The following OR2L13 variants were observed in gnomAD, a reference collection of about 807,000 sequenced individuals.
The protein encoded by OR2L13 is olfactory receptor family 2 subfamily L member 13.
A neutral mutation model predicts 15.3 loss-of-function variants in OR2L13; 14 were observed. The ratio of observed to expected loss-of-function variants is 0.91; its 90% CI spans 0.60 to 1.43. The LOEUF (loss-of-function observed/expected upper bound fraction) is 1.43, where lower values mean the gene tolerates loss of function less well. Ranked by LOEUF, OR2L13 falls within the 40% of genes most tolerant of loss-of-function variation. OR2L13 has a pLI of 0.00. For synonymous variants in OR2L13, 152 were observed against 142.9 expected (o/e 1.06, Z -0.45); for missense variants, 367 against 387.9 (o/e 0.95, Z 0.45).
chr1:247,963,033 A>T, the OR2L13 span, among the ~76,000 whole-genome samples: 1 of 152,296 alleles, frequency 6.6e-6, no homozygotes, highest in South Asian at 2.1e-4. Flanking sequence ...CCGGGATGCC[A>T]TGTGGGTTCT....
chr1:248,022,073 A>G, the OR2L13 span: 2 of 1,613,872 alleles, frequency 1.2e-6, no homozygotes, highest in Non-Finnish European at 1.7e-6. Context: ...TTGGAAACCT[A>G]TCCATGATTC....
chr1:248,001,531 TAAAA>T, the OR2L13 span, among the ~76,000 whole-genome samples: 3 of 151,274 alleles, frequency 2.0e-5, no homozygotes, highest in Admixed American at 2.0e-4. Context: ...TTTCTGTAAA[TAAAA>T]AAATAAAATA....
At chr1:248,054,650 C>G in the OR2L13 span, among the ~76,000 whole-genome samples, 1 of 152,090 alleles carries the variant, frequency 6.6e-6, no homozygotes, top group Non-Finnish European at 1.5e-5. Context: ...TTGAATAGGT[C>G]CTTCACTTCC....
At chr1:248,086,179 C>G in the OR2L13 span, among the ~76,000 whole-genome samples, 1 of 151,954 alleles carries the variant, frequency 6.6e-6, no homozygotes, top group African/African-American at 2.4e-5. Context: ...GCTTAAAAAT[C>G]ACAGCATAAA....
chr1:248,074,440 G>C, the OR2L13 span, among the ~76,000 whole-genome samples: 1 of 149,954 alleles, frequency 6.7e-6, no homozygotes, highest in Admixed American at 6.7e-5. Context: ...TCTATACCTA[G>C]AAAACCCCAA....
the OR2L13 span, among the ~76,000 whole-genome samples, chr1:248,064,799 C>A: frequency 6.6e-6 from 1 of 152,166 alleles, no homozygotes; most frequent in African/African-American, 2.4e-5. Context: ...CCTGTATAGG[C>A]AATGGTAATC....
At chr1:248,043,879 GATTA>G in the OR2L13 span, among the ~76,000 whole-genome samples, 1 of 152,002 alleles carries the variant, frequency 6.6e-6, no homozygotes. Context: ...TGTGATAAAG[GATTA>G]ATTTTCTTAA....
the OR2L13 span, among the ~76,000 whole-genome samples, chr1:247,989,861 G>A: frequency 6.6e-6 from 1 of 152,186 alleles, no homozygotes. Flanking sequence ...ATAGCCCAAT[G>A]TTGCATTACC....
At chr1:247,941,273 T>C in the OR2L13 span, among the ~76,000 whole-genome samples, 10 of 152,202 alleles carry the variant, frequency 6.6e-5, no homozygotes, top group Non-Finnish European at 1.0e-4. Flanking sequence ...TCATCAATTT[T>C]ATTTTGTTGC....
At chr1:248,054,621 C>A in the OR2L13 span, among the ~76,000 whole-genome samples, 2 of 151,956 alleles carry the variant, frequency 1.3e-5, no homozygotes, top group Non-Finnish European at 1.5e-5. Flanking sequence ...TTTCCTTGAA[C>A]AATGGTTTGT....
the OR2L13 span, chr1:248,021,810 T>C: frequency 1.2e-5 from 7 of 607,202 alleles, no homozygotes; most frequent in African/African-American, 3.7e-5. Flanking sequence ...TAAAAAATAG[T>C]GTATATAGGG....
the OR2L13 span, chr1:248,083,918 C>A: frequency 1.9e-6 from 3 of 1,611,482 alleles, no homozygotes; most frequent in Non-Finnish European, 1.7e-6. Flanking sequence ...CTGTAGAGCG[C>A]ATGTGCAGAA....
chr1:248,086,376 C>T, the OR2L13 span, among the ~76,000 whole-genome samples: 1 of 152,076 alleles, frequency 6.6e-6, no homozygotes, highest in East Asian at 1.9e-4. Context: ...GGAACCATTG[C>T]TCTTTTCTTT....
the OR2L13 span, chr1:247,965,229 T>C: frequency 2.1e-6 from 2 of 938,550 alleles, no homozygotes; most frequent in East Asian, 6.0e-5. Context: ...CAGAAAGCAC[T>C]TTGTGCTCTA....
chr1:247,953,865 A>G, the OR2L13 span, among the ~76,000 whole-genome samples: 2 of 152,100 alleles, frequency 1.3e-5, no homozygotes, highest in African/African-American at 4.8e-5. Flanking sequence ...CTTATTTTTC[A>G]CTATCTTTAC....
chr1:248,034,394 G>C, the OR2L13 span, among the ~76,000 whole-genome samples: 24 of 151,936 alleles, frequency 1.6e-4, no homozygotes, highest in African/African-American at 5.6e-4. Flanking sequence ...TTTAAAATCA[G>C]AAAGTATCAG....
At chr1:247,954,593 T>G in the OR2L13 span, among the ~76,000 whole-genome samples, 1 of 148,964 alleles carries the variant, frequency 6.7e-6, no homozygotes. Context: ...AGGTCCTTAA[T>G]TGAAAGTGAA....
chr1:247,973,202 T>G, the OR2L13 span, among the ~76,000 whole-genome samples: 1 of 152,152 alleles, frequency 6.6e-6, no homozygotes, highest in Admixed American at 6.6e-5. Flanking sequence ...AGGCATCCCA[T>G]TTGAAAACCA....
the OR2L13 span, among the ~76,000 whole-genome samples, chr1:248,072,699 A>C: frequency 2.4e-4 from 37 of 152,260 alleles, no homozygotes; most frequent in Admixed American, 6.5e-4. Flanking sequence ...CAACCTACAA[A>C]ATGGGATAAA....
Sources: gnomAD v4.1 joint callset for allele counts (sites outside exome capture counted in the v4.1 genomes callset) on GRCh38, gnomAD v4.1.1 for gene constraint, MANE v1.5 for transcripts, NCBI Gene and HGNC (gene_info 2026-07-23, HGNC 2026-07-21) for gene names.